The following ADAM18 variants were observed in gnomAD, a reference collection of about 807,000 sequenced individuals.
ADAM18 encodes disintegrin and metalloproteinase domain-containing protein 18.
Under a neutral mutation model 94.4 loss-of-function variants are expected in ADAM18, and 117 were observed. The ratio of observed to expected loss-of-function variants is 1.24; its 90% CI spans 1.07 to 1.45. ADAM18 has a LOEUF of 1.45. ADAM18 is among the 40% of genes most tolerant of loss of function. ADAM18 has a pLI of 0.00. For synonymous variants in ADAM18, 327 were observed against 291.6 expected (o/e 1.12, Z -1.24); for missense variants, 936 against 880.0 (o/e 1.06, Z -0.81).
chr8:39,674,751 T>C (rs2129580404), intron 14 of ADAM18, among the ~76,000 whole-genome samples: 1 of 152,352 alleles, frequency 6.6e-6, no homozygotes, highest in Non-Finnish European at 1.5e-5. Flanking sequence ...GTTTTTGTAG[T>C]GGCTAGTACC....
intron 17 of ADAM18, among the ~76,000 whole-genome samples, chr8:39,693,811 AGAAAAACGAC>A (rs1315232195): frequency 6.6e-6 from 1 of 151,286 alleles, no homozygotes; most frequent in East Asian, 1.9e-4. Context: ...ATGTTTAAAA[AGAAAAACGAC>A]TTAAAAATAA....
rs150907859 is a variant in ADAM18, at chr8:39,585,308, C to T, written c.88C>T (p.Pro30Ser). The T allele has an allele frequency of 1.2e-3, 1,919 of 1,613,298 alleles. 2 individuals are homozygous for T. Among genetic ancestry groups the T allele is most frequent in the Non-Finnish European group, 1.5e-3 (1,778 of 1,179,660 alleles). Residue 30 changes from proline to serine, a missense_variant, in exon 2 of 20, where the codon CCA becomes TCA. By Grantham distance (74) the Pro-to-Ser change is moderately conservative. Coordinates refer to ENST00000265707, the MANE Select transcript of ADAM18 (RefSeq NM_014237.3). ...SEGIFLHVTV[P>S]RKIKSNDSEV... ...AGGAATATTTCTGCATGTCACAGTT[C>T]CACGGAAGATTAAGTCAAATGACAG...
At chr8:39,645,958 T>C (rs1229110568) in intron 11 of ADAM18, among the ~76,000 whole-genome samples, 1 of 152,112 alleles carries the variant, frequency 6.6e-6, no homozygotes, top group African/African-American at 2.4e-5. Context: ...CTTATTCCTA[T>C]TAAAACAAAG....
intron 18 of ADAM18, among the ~76,000 whole-genome samples, chr8:39,713,711 C>T (rs1822487007): frequency 6.6e-6 from 1 of 152,170 alleles, no homozygotes; most frequent in Non-Finnish European, 1.5e-5. Flanking sequence ...CACTGGCCAT[C>T]AGAGAAATGC....
At chr8:39,646,673 C>A (rs984217247) in intron 11 of ADAM18, among the ~76,000 whole-genome samples, 31 of 152,110 alleles carry the variant, frequency 2.0e-4, no homozygotes, top group African/African-American at 7.5e-4. Flanking sequence ...TTCAATATCA[C>A]ATACAGTATA....
chr8:39,705,169 T>C (rs1429567089), intron 17 of ADAM18, among the ~76,000 whole-genome samples: 2 of 152,160 alleles, frequency 1.3e-5, no homozygotes, highest in African/African-American at 4.8e-5. Context: ...CTCTTTACAC[T>C]GTACAGAATA....
intron 15 of ADAM18, among the ~76,000 whole-genome samples, 186 bp downstream of exon 15, chr8:39,677,722 A>C (rs1821337998): frequency 6.6e-6 from 1 of 152,166 alleles, no homozygotes; most frequent in African/African-American, 2.4e-5. Flanking sequence ...CCTAAAAATG[A>C]GATTGGACAA....
chr8:39,677,390 T>C (rs752930606), intron 14 of ADAM18, 41 bp from the exon 15 acceptor site: 2 of 1,468,362 alleles, frequency 1.4e-6, no homozygotes, highest in Admixed American at 2.0e-5. Flanking sequence ...ATTTAACTCA[T>C]ATTAAGAATG....
At position 39,663,896 on chromosome 8, in the gene ADAM18, T is replaced by A. The variant is rs1341296308; in HGVS notation, c.1326+6T>A. 1 of 1,595,976 alleles carries A rather than the reference T, an allele frequency of 6.3e-7. No individual in the cohort carries two copies. Among genetic ancestry groups the A allele is most frequent in the Non-Finnish European group, 8.6e-7 (1 of 1,168,046 alleles). On this transcript the variant is annotated splice_donor_region_variant and intron_variant, in intron 13 of 19. Coordinates refer to ENST00000265707, the MANE Select transcript of ADAM18 (RefSeq NM_014237.3). ...GTTGTACATCAAAGTGTGAGGTAAG[T>A]TACTAACATTCATTAAAAGCAAATT... is the stretch of plus-strand genomic sequence containing the variant.
At chr8:39,609,272 C>T in intron 4 of ADAM18, 152 bp downstream of exon 4, 1 of 714,814 alleles carries the variant, frequency 1.4e-6, no homozygotes, top group Non-Finnish European at 2.3e-6. Flanking sequence ...GAGATGAAAC[C>T]CAGCTGCAAG....
At chr8:39,667,008 C>T (rs1821007811) in intron 13 of ADAM18, among the ~76,000 whole-genome samples, 1 of 152,046 alleles carries the variant, frequency 6.6e-6, no homozygotes. Context: ...TAGGTCAGGC[C>T]ACCACAAAAT....
At chr8:39,632,110 T>G (rs1819947408) in intron 7 of ADAM18, among the ~76,000 whole-genome samples, 1 of 151,956 alleles carries the variant, frequency 6.6e-6, no homozygotes, top group African/African-American at 2.4e-5. Flanking sequence ...AATTTTAATT[T>G]TTTTAATTTC....
intron 2 of ADAM18, among the ~76,000 whole-genome samples, chr8:39,602,319 A>G (rs1818930999): frequency 6.6e-6 from 1 of 152,164 alleles, no homozygotes; most frequent in South Asian, 2.1e-4. Context: ...AAGGATTCCA[A>G]TTACTCTACG....
At chr8:39,597,416 T>G (rs1438284962) in intron 2 of ADAM18, among the ~76,000 whole-genome samples, 2 of 152,170 alleles carry the variant, frequency 1.3e-5, no homozygotes, top group African/African-American at 4.8e-5. Flanking sequence ...TATTTTACAT[T>G]TTGGTCTGTT....
chr8:39,654,924 G>A (rs998745350), intron 12 of ADAM18, among the ~76,000 whole-genome samples: 1 of 152,096 alleles, frequency 6.6e-6, no homozygotes, highest in Middle Eastern at 3.4e-3. Context: ...TTCCTTATAT[G>A]CTTTTATATT....
At chr8:39,704,106 T>C (rs143335935) in intron 17 of ADAM18, among the ~76,000 whole-genome samples, 1 of 152,046 alleles carries the variant, frequency 6.6e-6, no homozygotes, top group African/African-American at 2.4e-5. Context: ...GGACGATAGA[T>C]TCACAGGTGA....
chr8:39,592,743 G>A (rs1818610008), intron 2 of ADAM18, among the ~76,000 whole-genome samples: 1 of 152,166 alleles, frequency 6.6e-6, no homozygotes, highest in Non-Finnish European at 1.5e-5. Flanking sequence ...ATATTTGAGT[G>A]ATGGGTACAC....
chr8:39,673,754 G>A (rs1039741463), intron 14 of ADAM18, among the ~76,000 whole-genome samples: 32 of 152,210 alleles, frequency 2.1e-4, no homozygotes, highest in African/African-American at 3.4e-4. Flanking sequence ...TCTCTTGTGG[G>A]CATTTAGTGC....
chr8:39,665,852 A>G (rs1585957959), intron 13 of ADAM18, among the ~76,000 whole-genome samples: 5 of 152,266 alleles, frequency 3.3e-5, no homozygotes, highest in East Asian at 1.9e-4. Context: ...TTTTTGCTGT[A>G]TAGTCTTTTA....
Sources: allele counts gnomAD v4.1 joint callset (sites outside exome capture counted in the v4.1 genomes callset), GRCh38; gene constraint gnomAD v4.1.1; transcripts MANE v1.5; gene names NCBI Gene and HGNC (gene_info 2026-07-23, HGNC 2026-07-21).